Variants in MAGI2 observed in about 807,000 individuals in gnomAD.
MAGI2 encodes the protein membrane-associated guanylate kinase, WW and PDZ domain-containing protein 2.
A neutral mutation model predicts 133.3 loss-of-function variants in MAGI2; 35 were observed. That is an observed-to-expected ratio of 0.26 (90% CI 0.20 to 0.35). The LOEUF (loss-of-function observed/expected upper bound fraction) is 0.35. MAGI2 is among the 10% of genes least tolerant of loss of function. MAGI2 has a pLI of 1.00. For missense variants in MAGI2, 1,636 were observed against 1,863.4 expected (o/e 0.88, Z 2.25); for synonymous variants, 729 against 710.6 (o/e 1.03, Z -0.41).
intron 1 of MAGI2, among the ~76,000 whole-genome samples, chr7:79,391,469 T>C: frequency 7.2e-6 from 1 of 138,898 alleles, no homozygotes; most frequent in South Asian, 2.3e-4. Flanking sequence ...AAATGTATTC[T>C]AAAAGCAATT....
intron 2 of MAGI2, among the ~76,000 whole-genome samples, chr7:78,724,996 G>T (rs1324054770): frequency 6.6e-6 from 1 of 152,154 alleles, no homozygotes; most frequent in African/African-American, 2.4e-5. Flanking sequence ...GAGGAACTAG[G>T]AATAACAAAT....
chr7:78,019,435 C>T lies in MAGI2; in HGVS notation c.4248G>A (p.Pro1416=). 2.0e-6 allele frequency: 2 copies of T among 999,766 alleles called. No homozygotes were observed. Among genetic ancestry groups the T allele is most frequent in the Non-Finnish European group, 2.4e-6 (2 of 841,386 alleles). The allele number at this position is 999,766 out of a possible 1,614,324, so 61.9% of individuals were successfully genotyped here. ...AGARAGPRPG[P]RPPGGAPARK... is the part of the protein sequence containing the mutation. ...GCGCCGGGGCGCCCCCCGGGGGTCG[C>T]GGGCCCGGCCGGGGACCCGCGCGCG... is the stretch of plus-strand genomic sequence containing the variant. Residue 1416 remains proline (P), a synonymous_variant, in exon 22 of 22, where the codon CCG becomes CCA. Transcript: ENST00000354212.
At chr7:78,643,495 A>G (rs1314516185) in intron 2 of MAGI2, among the ~76,000 whole-genome samples, 3 of 152,166 alleles carry the variant, frequency 2.0e-5, no homozygotes, top group Non-Finnish European at 2.9e-5. Context: ...CAACAAATAT[A>G]TATTTGAGGC....
intron 16 of MAGI2, among the ~76,000 whole-genome samples, chr7:78,153,698 C>A (rs879637284): frequency 1.3e-5 from 2 of 152,114 alleles, no homozygotes; most frequent in Non-Finnish European, 2.9e-5. Flanking sequence ...ATGATCTAGG[C>A]CTCAAACTTA....
chr7:78,357,748 T>C (rs1792239559), intron 7 of MAGI2, among the ~76,000 whole-genome samples: 1 of 151,610 alleles, frequency 6.6e-6, no homozygotes, highest in Non-Finnish European at 1.5e-5. Flanking sequence ...CAAAGAGCCT[T>C]TTTTTTTCTT....
At chr7:78,951,914 G>A (rs114120817) in intron 2 of MAGI2, among the ~76,000 whole-genome samples, 95 of 152,212 alleles carry the variant, frequency 6.2e-4, no homozygotes, top group African/African-American at 2.2e-3. Flanking sequence ...TATTCCACCA[G>A]ACTATTTCTT....
intron 2 of MAGI2, among the ~76,000 whole-genome samples, chr7:78,775,197 C>T (rs1366765247): frequency 6.6e-6 from 1 of 151,610 alleles, no homozygotes; most frequent in Non-Finnish European, 1.5e-5. Context: ...CCTGTAGTCC[C>T]AGCTACTCGG....
chr7:79,367,478 T>C (rs1440718954), intron 1 of MAGI2, among the ~76,000 whole-genome samples: 2 of 152,142 alleles, frequency 1.3e-5, no homozygotes, highest in African/African-American at 4.8e-5. Flanking sequence ...CAAAGCATTC[T>C]TGGAACCAGA....
intron 2 of MAGI2, among the ~76,000 whole-genome samples, chr7:78,734,092 C>A (rs1452475106): frequency 1.3e-5 from 2 of 152,090 alleles, no homozygotes; most frequent in African/African-American, 4.8e-5. Context: ...TCATATGTTG[C>A]TTATGAATGA....
At chr7:78,232,814 A>G (rs1414744667) in intron 10 of MAGI2, among the ~76,000 whole-genome samples, 1 of 152,204 alleles carries the variant, frequency 6.6e-6, no homozygotes, top group African/African-American at 2.4e-5. Context: ...AAACACACAG[A>G]TTTTTAAGAT....
At chr7:79,067,466 CTT>C (rs771858312) in intron 1 of MAGI2, among the ~76,000 whole-genome samples, 24 of 152,160 alleles carry the variant, frequency 1.6e-4, no homozygotes, top group Non-Finnish European at 2.9e-4. Context: ...TATCCCGAGA[CTT>C]TGCTGAAGTT....
At chr7:78,204,397 C>A (rs1259211523) in intron 10 of MAGI2, among the ~76,000 whole-genome samples, 1 of 152,126 alleles carries the variant, frequency 6.6e-6, no homozygotes. Context: ...TCTCTTCACC[C>A]ATTTTCATAG....
intron 1 of MAGI2, among the ~76,000 whole-genome samples, chr7:79,396,906 T>A (rs1845100051): frequency 1.3e-5 from 2 of 152,054 alleles, no homozygotes; most frequent in Admixed American, 1.3e-4. Flanking sequence ...ACCTTGACGG[T>A]TAGTAGCTTG....
chr7:78,141,032 G>A (rs1822689878), intron 16 of MAGI2, among the ~76,000 whole-genome samples: 1 of 152,196 alleles, frequency 6.6e-6, no homozygotes, highest in Non-Finnish European at 1.5e-5. Context: ...TCATTCTGGG[G>A]AGGAGGGAAT....
intron 3 of MAGI2, among the ~76,000 whole-genome samples, chr7:78,559,394 T>C: frequency 6.6e-6 from 1 of 151,732 alleles, no homozygotes; most frequent in East Asian, 1.9e-4. Context: ...ATAAGAAAAA[T>C]GAAAAGGGTC....
intron 6 of MAGI2, among the ~76,000 whole-genome samples, chr7:78,436,218 T>C (rs1206891886): frequency 1.3e-5 from 2 of 152,164 alleles, no homozygotes; most frequent in African/African-American, 4.8e-5. Flanking sequence ...GCTTTAGAAA[T>C]GAGCCCTTTT....
chr7:78,740,861 C>T (rs980135710), intron 2 of MAGI2, among the ~76,000 whole-genome samples: 2 of 152,140 alleles, frequency 1.3e-5, no homozygotes, highest in African/African-American at 2.4e-5. Flanking sequence ...TTTTTAGTCA[C>T]ATAATTATTA....
intron 6 of MAGI2, among the ~76,000 whole-genome samples, chr7:78,399,301 A>G (rs971311146): frequency 1.3e-5 from 2 of 152,196 alleles, no homozygotes; most frequent in African/African-American, 2.4e-5. Context: ...TTTCAACCTA[A>G]TGCTATACAC....
intron 6 of MAGI2, among the ~76,000 whole-genome samples, chr7:78,477,999 A>C (rs1791959599): frequency 6.6e-6 from 1 of 151,634 alleles, no homozygotes; most frequent in South Asian, 2.1e-4. Flanking sequence ...AGGTAGACAC[A>C]TGTCATGGTG....
Sources: gnomAD v4.1 joint callset for allele counts (sites outside exome capture counted in the v4.1 genomes callset) on GRCh38, gnomAD v4.1.1 for gene constraint, MANE v1.5 for transcripts, NCBI Gene and HGNC (gene_info 2026-07-23, HGNC 2026-07-21) for gene names.